Variants in WDTC1 observed in about 807,000 individuals in gnomAD.
WDTC1 encodes the protein WD and tetratricopeptide repeats 1, also known as WD and tetratricopeptide repeats protein 1.
Under a neutral mutation model 76.0 loss-of-function variants are expected in WDTC1, and 12 were observed. The ratio of observed to expected loss-of-function variants is 0.16; its 90% confidence interval spans 0.10 to 0.26. WDTC1 has a LOEUF of 0.26. Ranked by LOEUF, WDTC1 falls within the 10% of genes least tolerant of loss-of-function variation. WDTC1 has a pLI of 1.00. For synonymous variants in WDTC1, 326 were observed against 350.8 expected, an observed-to-expected ratio of 0.93 and a Z score of 0.79; for missense variants, 511 against 908.8, an observed-to-expected ratio of 0.56 and a Z score of 5.63.
intron 3 of WDTC1, among the ~76,000 whole-genome samples, chr1:27,280,368 G>A (rs1431046390): frequency 6.6e-6 from 1 of 152,204 alleles, no homozygotes; most frequent in African/African-American, 2.4e-5. Context: ...TCAATGGAGA[G>A]TGAGTGAGGA....
In WDTC1 at chr1:27,274,914, C is replaced by T. The variant is rs2012977878; in HGVS notation, c.133-7325C>T. On this transcript the variant is annotated intron_variant, in intron 3 of 15. Coordinates refer to ENST00000319394, the MANE Select transcript of WDTC1 (RefSeq NM_001276252.2). This position sits in a 1 kb window ranked among gnomAD's most constrained non-coding sequence, Gnocchi z 4.2. Reference sequence around the variant, plus strand: ...GGTAGAGAGAAGAAGAAAGGAATCTCACTTTACAAATCAGAGTAAAACTCA... The same window carrying T: ...GGTAGAGAGAAGAAGAAAGGAATCTTACTTTACAAATCAGAGTAAAACTCA... Among the ~76,000 whole-genome samples, 1 of 152,198 alleles carries T rather than the reference C, an allele frequency of 6.6e-6. No individual in the cohort carries two copies. Among genetic ancestry groups the T allele is most frequent in the Admixed American group, 6.5e-5 (1 of 15,276 alleles).
chr1:27,261,869 T>C (rs2012485378), intron 2 of WDTC1, among the ~76,000 whole-genome samples: 1 of 152,158 alleles, frequency 6.6e-6, no homozygotes, highest in African/African-American at 2.4e-5. Flanking sequence ...GAATGAAATC[T>C]GAATGAGCTT....
intron 3 of WDTC1, among the ~76,000 whole-genome samples, chr1:27,263,783 T>C (rs1409477662): frequency 1.3e-5 from 2 of 152,204 alleles, no homozygotes; most frequent in Non-Finnish European, 2.9e-5. Flanking sequence ...TTCAATTCCA[T>C]ACCACTATTT....
chr1:27,244,421 C>T (rs1312284848), intron 1 of WDTC1, among the ~76,000 whole-genome samples: 1 of 152,098 alleles, frequency 6.6e-6, no homozygotes, highest in Admixed American at 6.6e-5. Context: ...GCCTCAAACT[C>T]CTGGGCTCAA....
At chr1:27,237,329 CAGAG>C (rs1162136156) in intron 1 of WDTC1, among the ~76,000 whole-genome samples, 1 of 152,144 alleles carries the variant, frequency 6.6e-6, no homozygotes, top group Non-Finnish European at 1.5e-5. Flanking sequence ...TTCTGAGTCT[CAGAG>C]AGGAAGTCAA....
At chr1:27,292,876 C>T (rs906991696) in intron 7 of WDTC1, among the ~76,000 whole-genome samples, 21 of 149,752 alleles carry the variant, frequency 1.4e-4, no homozygotes, top group African/African-American at 3.7e-4. Flanking sequence ...GTTGTCCTGC[C>T]GAGTAGCTGG....
Position 27,303,817 on chromosome 1 carries a change from G to T in WDTC1, c.1643+22G>T, listed in dbSNP as rs774109825. The T allele has an allele frequency of 3.1e-6, 5 of 1,612,146 alleles. No individual in the cohort carries two copies. In the Admixed American group the frequency reaches 8.4e-5, roughly 27 times the overall value. On this transcript the variant is annotated intron_variant, in intron 14 of 15. Transcript: ENST00000319394. This position sits in a 1 kb window ranked among gnomAD's most constrained non-coding sequence, Gnocchi z 4.8. ...GCAGGTCCGAGGCCCTGAAGAGGAG[G>T]GTGCAGCCCAGTTGGCAGCGGGAGG...
intron 12 of WDTC1, 131 bp downstream of exon 12, chr1:27,298,242 T>C (rs1054971400): frequency 4.2e-5 from 49 of 1,167,698 alleles, no homozygotes; most frequent in Middle Eastern, 3.1e-4. Context: ...TGCTGCCTCT[T>C]AGGGCTTCTT....
intron 10 of WDTC1, 122 bp from the exon 11 acceptor site, chr1:27,296,926 C>T: frequency 2.4e-6 from 2 of 848,434 alleles, no homozygotes; most frequent in East Asian, 5.3e-5. Context: ...ATGGATCTTA[C>T]TCTGGGAGAA....
chr1:27,263,677 G>A (rs182845151), intron 3 of WDTC1, among the ~76,000 whole-genome samples: 27 of 152,124 alleles, frequency 1.8e-4, no homozygotes, highest in Non-Finnish European at 2.5e-4. Context: ...CTCGTGATCC[G>A]CCCGCCTTGG....
chr1:27,306,817 T>C lies in WDTC1; in HGVS notation c.*434T>C, dbSNP rs928661479. The C allele has an allele frequency of 1.1e-5, 2 of 187,200 alleles. No individual in the cohort carries two copies. Among genetic ancestry groups the C allele is most frequent in the Non-Finnish European group, 2.3e-5 (2 of 88,814 alleles). 11.6% of individuals were successfully genotyped at this position (187,200 alleles called of 1,614,324 possible). ...CGCCTTGGCCTGTTGCCACTCTTGC[T>C]CCCTAGCCTGCAAGGCTAGCTCCCC... On this transcript the variant is annotated 3_prime_UTR_variant, in exon 16 of 16. Coordinates refer to ENST00000319394, the MANE Select transcript of WDTC1 (RefSeq NM_001276252.2). The surrounding 1 kb of genome is among the most constrained non-coding windows in gnomAD (Gnocchi z 5.0).
intron 3 of WDTC1, among the ~76,000 whole-genome samples, chr1:27,277,037 T>A (rs1280767654): frequency 1.3e-5 from 2 of 151,950 alleles, no homozygotes; most frequent in African/African-American, 4.8e-5. Flanking sequence ...ATGTTTTATT[T>A]TTTTTTTTTA....
Position 27,292,158 on chromosome 1 carries a change from CT to C in WDTC1, c.480-56del. The C allele has an allele frequency of 3.5e-6, 5 of 1,420,894 alleles. No homozygotes were observed. The South Asian group carries it at 6.3e-5, about 18-fold the overall frequency. 88.0% of individuals were successfully genotyped at this position (1,420,894 alleles called of 1,614,324 possible). A position where few individuals can be genotyped will look rare whatever the true frequency, so the allele number is the denominator to read the frequency against. On this transcript the variant is annotated intron_variant, in intron 6 of 15. Transcript: ENST00000319394. ...GCATAACAAGAACTTATCTTTTCCC[CT>C]GCCTTCCTCTCAAGGACCCCAAGCC... is the stretch of plus-strand genomic sequence containing the variant.
chr1:27,306,603 A>G lies in WDTC1; in HGVS notation c.*220A>G. 1.6e-6 allele frequency: 1 copy of G among 616,370 alleles called. No individual in the cohort carries two copies. Among genetic ancestry groups the G allele is most frequent in the Non-Finnish European group, 2.8e-6 (1 of 357,952 alleles). 38.2% of individuals were successfully genotyped at this position (616,370 alleles called of 1,614,324 possible). On this transcript the variant is annotated 3_prime_UTR_variant, in exon 16 of 16. Transcript: ENST00000319394. The surrounding 1 kb of genome is among the most constrained non-coding windows in gnomAD (Gnocchi z 5.0). ...CTGACTATCCCCAGCCCTGAAAAAAAGAGCAGGAGGGGACACCCCTCCATA... is the reference window on the plus strand; with the variant it reads ...CTGACTATCCCCAGCCCTGAAAAAAGGAGCAGGAGGGGACACCCCTCCATA...
intron 12 of WDTC1, 56 bp downstream of exon 12, chr1:27,298,167 C>T: frequency 1.3e-6 from 2 of 1,498,166 alleles, no homozygotes; most frequent in Non-Finnish European, 1.8e-6. Context: ...AGCAGCTGGA[C>T]CAAAAGGCAG....
intron 3 of WDTC1, among the ~76,000 whole-genome samples, chr1:27,273,540 CAT>C (rs1406236918): frequency 7.9e-5 from 12 of 151,956 alleles, no homozygotes; most frequent in African/African-American, 2.9e-4. Flanking sequence ...ATTAAGAAAA[CAT>C]AAACCAAATG....
intron 1 of WDTC1, among the ~76,000 whole-genome samples, chr1:27,247,178 T>C (rs561787593): frequency 1.3e-5 from 2 of 152,066 alleles, no homozygotes; most frequent in East Asian, 1.9e-4. Context: ...TGCCTCAGCC[T>C]CTCGAGTAGC....
chr1:27,294,655 C>T, intron 9 of WDTC1, 26 bp downstream of exon 9: 1 of 1,602,226 alleles, frequency 6.2e-7, no homozygotes, highest in African/African-American at 1.3e-5. Flanking sequence ...GGTGGTTCTG[C>T]CCCATCACCA....
At chr1:27,285,972 G>A (rs1162506149) in intron 5 of WDTC1, among the ~76,000 whole-genome samples, 1 of 119,472 alleles carries the variant, frequency 8.4e-6, no homozygotes, top group African/African-American at 3.1e-5. Context: ...GGAGTATTTT[G>A]TTCTTGCCTT....
Sources: gnomAD v4.1 joint callset for allele counts (sites outside exome capture counted in the v4.1 genomes callset) on GRCh38, gnomAD v4.1.1 for gene constraint, Gnocchi (gnomAD v3.1) non-coding constraint, MANE v1.5 for transcripts, NCBI Gene and HGNC (gene_info 2026-07-23, HGNC 2026-07-21) for gene names.